Variants in MLLT3 observed in about 807,000 individuals in gnomAD.
MLLT3 encodes MLLT3 super elongation complex subunit.
Under a neutral mutation model 53.2 loss-of-function variants are expected in MLLT3, and 4 were observed. The ratio of observed to expected loss-of-function variants is 0.08; its 90% confidence interval spans 0.04 to 0.17. MLLT3 has a LOEUF of 0.17. MLLT3 is among the 10% of genes least tolerant of loss of function. MLLT3 has a pLI of 1.00. For synonymous variants in MLLT3, 283 were observed against 230.6 expected, an observed-to-expected ratio of 1.23 and a Z score of -2.06; for missense variants, 569 against 684.0, an observed-to-expected ratio of 0.83 and a Z score of 1.87.
chr9:20,346,913 A>C (rs1322539676), intron 10 of MLLT3, among the ~76,000 whole-genome samples: 1 of 152,128 alleles, frequency 6.6e-6, no homozygotes, highest in Non-Finnish European at 1.5e-5. Flanking sequence ...TACTGACTCA[A>C]TAGACAGTGA....
chr9:20,467,384 C>T (rs1824262992), intron 2 of MLLT3, among the ~76,000 whole-genome samples: 1 of 152,102 alleles, frequency 6.6e-6, no homozygotes, highest in African/African-American at 2.4e-5. Context: ...AGGAGAACAT[C>T]CTGGCCAACA....
At chr9:20,396,884 G>A (rs1822334717) in intron 5 of MLLT3, among the ~76,000 whole-genome samples, 1 of 152,120 alleles carries the variant, frequency 6.6e-6, no homozygotes, top group African/African-American at 2.4e-5. Context: ...TCCAAGGTGA[G>A]GCACAATCAA....
At chr9:20,543,229 T>G (rs934536297) in intron 2 of MLLT3, among the ~76,000 whole-genome samples, 6 of 152,228 alleles carry the variant, frequency 3.9e-5, no homozygotes, top group African/African-American at 1.4e-4. Flanking sequence ...AAATTTTCCT[T>G]CACACTCACA....
At chr9:20,408,520 C>T (rs943384263) in intron 5 of MLLT3, among the ~76,000 whole-genome samples, 3 of 152,110 alleles carry the variant, frequency 2.0e-5, no homozygotes, top group Admixed American at 1.3e-4. Flanking sequence ...GAACTGTAAC[C>T]GTTCAGGTAT....
At position 20,504,403 on chromosome 9, in the gene MLLT3, C is replaced by G. The variant is rs180821798; in HGVS notation, c.194-47617G>C. Among the ~76,000 whole-genome samples, 80 of 151,494 alleles carry G rather than the reference C, an allele frequency of 5.3e-4. No individual in the cohort carries two copies. The East Asian group carries it at 0.015, about 29-fold the overall frequency. On this transcript the variant is annotated intron_variant, in intron 2 of 10. Coordinates refer to ENST00000380338, the MANE Select transcript of MLLT3 (RefSeq NM_004529.4). ...ATATAATTATATTAAAGGCTGAATA[C>G]TATTCAGCCTTTAAAAAGAAGGAAA...
intron 10 of MLLT3, among the ~76,000 whole-genome samples, chr9:20,350,915 G>A (rs550282749): frequency 2.6e-5 from 4 of 152,246 alleles, no homozygotes; most frequent in African/African-American, 9.6e-5. Context: ...CAGCCTCTTC[G>A]CTGTGTGGGG....
intron 2 of MLLT3, among the ~76,000 whole-genome samples, chr9:20,502,722 T>C (rs568725770): frequency 3.9e-5 from 6 of 152,352 alleles, no homozygotes; most frequent in African/African-American, 9.6e-5. Flanking sequence ...TCAGAATCCA[T>C]GGGTTTGGGT....
chr9:20,353,471 A>G (rs748318879), intron 10 of MLLT3, 54 bp downstream of exon 10: 14 of 1,513,446 alleles, frequency 9.3e-6, no homozygotes, highest in Non-Finnish European at 1.3e-5. Context: ...CTACTGCAGG[A>G]CAAACCAAGT....
At position 20,413,851 on chromosome 9, in the gene MLLT3, T is replaced by G. The variant is rs758014622; in HGVS notation, c.995A>C (p.His332Pro). Residue 332 changes from histidine (H) to proline (P), a missense_variant, in exon 5 of 11, where the codon CAT becomes CCT. Coordinates refer to ENST00000380338, the MANE Select transcript of MLLT3 (RefSeq NM_004529.4). ...ADKKQIKDKS[H>P]VKMGKVKIES... ...AATTTTGACCTTTCCCATCTTGACA[T>G]GAGATTTATCTTTTATCTGTTTTTT... 3.7e-6 allele frequency: 6 copies of G among 1,614,118 alleles called. No homozygotes were observed. The East Asian group carries it at 1.3e-4, about 36-fold the overall frequency.
At chr9:20,605,719 G>A (rs142460589) in intron 2 of MLLT3, among the ~76,000 whole-genome samples, 2 of 151,964 alleles carry the variant, frequency 1.3e-5, no homozygotes, top group Non-Finnish European at 2.9e-5. Context: ...TTTTAAGCTA[G>A]TATAACATTT....
At chr9:20,508,912 G>T (rs1165550571) in intron 2 of MLLT3, among the ~76,000 whole-genome samples, 1 of 152,068 alleles carries the variant, frequency 6.6e-6, no homozygotes, top group African/African-American at 2.4e-5. Context: ...AAAAGAATAT[G>T]GTATATGATT....
intron 2 of MLLT3, among the ~76,000 whole-genome samples, chr9:20,539,848 C>A (rs1378477402): frequency 6.6e-6 from 1 of 152,196 alleles, no homozygotes; most frequent in South Asian, 2.1e-4. Context: ...AAAGTCTCAT[C>A]TGAGATAAGG....
chr9:20,499,688 G>A (rs756670040), intron 2 of MLLT3, among the ~76,000 whole-genome samples: 11 of 152,192 alleles, frequency 7.2e-5, no homozygotes, highest in Non-Finnish European at 1.2e-4. Flanking sequence ...ACCCTGAGCT[G>A]TCCCCTTATT....
intron 2 of MLLT3, among the ~76,000 whole-genome samples, chr9:20,602,073 A>G (rs1487905292): frequency 2.0e-5 from 3 of 152,178 alleles, no homozygotes; most frequent in Admixed American, 2.0e-4. Context: ...CAGAAGTAAA[A>G]CAATTCAGCA....
chr9:20,349,654 A>C (rs1198784903), intron 10 of MLLT3, among the ~76,000 whole-genome samples: 3 of 152,096 alleles, frequency 2.0e-5, no homozygotes, highest in Non-Finnish European at 2.9e-5. Flanking sequence ...CCTTCTAGAA[A>C]AAAAGCCACT....
intron 2 of MLLT3, among the ~76,000 whole-genome samples, chr9:20,558,258 G>A (rs1051045933): frequency 2.6e-5 from 4 of 152,052 alleles, no homozygotes; most frequent in African/African-American, 9.7e-5. Context: ...CCTAATAAAC[G>A]CAGCCCCATA....
At chr9:20,501,636 A>G (rs1375497582) in intron 2 of MLLT3, among the ~76,000 whole-genome samples, 1 of 152,056 alleles carries the variant, frequency 6.6e-6, no homozygotes, top group African/African-American at 2.4e-5. Flanking sequence ...CTGCAGTCCC[A>G]GCTACTTGGG....
rs896311273 is a variant in MLLT3, at chr9:20,344,920, G to A, written c.*1523C>T. The A allele has an allele frequency of 1.4e-5, 3 of 214,356 alleles. No individual in the cohort carries two copies. Among genetic ancestry groups the A allele is most frequent in the African/African-American group, 6.8e-5 (3 of 44,358 alleles). The allele number at this position is 214,356 out of a possible 1,614,324, so 13.3% of individuals were successfully genotyped here. On this transcript the variant is annotated 3_prime_UTR_variant, in exon 11 of 11. Transcript: ENST00000380338. ...GAGACTTTCTTAAGGCTGATCCAGT[G>A]ACGAACCTTTGGATCCAGAAGTATT...
chr9:20,566,381 G>A (rs1025878718), intron 2 of MLLT3, among the ~76,000 whole-genome samples: 2 of 151,998 alleles, frequency 1.3e-5, no homozygotes, highest in Non-Finnish European at 2.9e-5. Context: ...CACAATGCAT[G>A]TTCTTTTTAA....
Sources: allele counts gnomAD v4.1 joint callset (sites outside exome capture counted in the v4.1 genomes callset), GRCh38; gene constraint gnomAD v4.1.1; transcripts MANE v1.5; gene names NCBI Gene and HGNC (gene_info 2026-07-23, HGNC 2026-07-21).